Variants in CDK6 observed in about 807,000 individuals in gnomAD.
CDK6 encodes cyclin-dependent kinase 6.
Under a neutral mutation model 37.1 loss-of-function variants are expected in CDK6, and 6 were observed. The ratio of observed to expected loss-of-function variants is 0.16; its 90% CI spans 0.09 to 0.32. CDK6 has a LOEUF of 0.32. Ranked by LOEUF, CDK6 falls within the 10% of genes least tolerant of loss-of-function variation. The pLI, the probability that CDK6 is intolerant of heterozygous loss-of-function variation, is 1.00. For synonymous variants in CDK6, 160 were observed against 161.3 expected (o/e 0.99, Z 0.06); for missense variants, 224 against 418.9 (o/e 0.53, Z 4.06).
chr7:92,610,624 A>G lies in CDK6; in HGVS notation c.*4516T>C. On this transcript the variant is annotated 3_prime_UTR_variant, in exon 8 of 8. Transcript: ENST00000424848. Reference sequence around the variant, plus strand: ...TTGCATTGATATAGAAAGGGAGTAAATAAGAAATGAAAATGCTAGTTTCTC... The same window carrying G: ...TTGCATTGATATAGAAAGGGAGTAAGTAAGAAATGAAAATGCTAGTTTCTC... 4.4e-6 allele frequency: 1 copy of G among 227,964 alleles called. No individual in the cohort carries two copies. Among genetic ancestry groups the G allele is most frequent in the Non-Finnish European group, 8.7e-6 (1 of 114,788 alleles). The allele number at this position is 227,964 out of a possible 1,614,324, so 14.1% of individuals were successfully genotyped here.
chr7:92,833,381 T>G lies in CDK6; in HGVS notation c.-58A>C. The G allele has an allele frequency of 1.6e-6, 2 of 1,229,618 alleles. No individual in the cohort carries two copies. Among genetic ancestry groups the G allele is most frequent in the Non-Finnish European group, 2.2e-6 (2 of 899,330 alleles). 76.2% of individuals were successfully genotyped at this position (1,229,618 alleles called of 1,614,324 possible). A position where few individuals can be genotyped will look rare whatever the true frequency, so the allele number is the denominator to read the frequency against. On this transcript the variant is annotated 5_prime_UTR_variant, in exon 2 of 8. Coordinates refer to ENST00000424848, the MANE Select transcript of CDK6 (RefSeq NM_001145306.2). This position sits in a 1 kb window ranked among gnomAD's most constrained non-coding sequence, Gnocchi z 6.1. ...GGGGCGGGCGGGGGGTGCGCTCAAC[T>G]AGCTGGCGGCCGCCGCTCGCCTACT...
At chr7:92,694,590 G>A (rs1438979089) in intron 4 of CDK6, among the ~76,000 whole-genome samples, 1 of 152,146 alleles carries the variant, frequency 6.6e-6, no homozygotes, top group East Asian at 1.9e-4. Flanking sequence ...GTGGCAAAAG[G>A]CAAAGCCACA....
chr7:92,784,009 T>C (rs1334039430), intron 2 of CDK6, among the ~76,000 whole-genome samples: 1 of 152,136 alleles, frequency 6.6e-6, no homozygotes, highest in Non-Finnish European at 1.5e-5. Context: ...ATGCATTTTA[T>C]CTGAATGAAA....
chr7:92,791,680 A>C (rs1040216396), intron 2 of CDK6, among the ~76,000 whole-genome samples: 53 of 152,304 alleles, frequency 3.5e-4, no homozygotes, highest in African/African-American at 1.2e-3. Context: ...GCCCTGAAGA[A>C]GAGGCATTCA....
At chr7:92,727,465 C>A (rs1798540155) in intron 3 of CDK6, among the ~76,000 whole-genome samples, 2 of 152,112 alleles carry the variant, frequency 1.3e-5, no homozygotes, top group Non-Finnish European at 2.9e-5. Flanking sequence ...ATTACTTTTC[C>A]TACTATTAAG....
chr7:92,824,575 TA>T (rs1484443554), intron 2 of CDK6, among the ~76,000 whole-genome samples: 1 of 152,054 alleles, frequency 6.6e-6, no homozygotes, highest in Non-Finnish European at 1.5e-5. Flanking sequence ...AATGAAAGAT[TA>T]TTTTTTACTT....
intron 2 of CDK6, among the ~76,000 whole-genome samples, chr7:92,805,707 C>G (rs1800707543): frequency 6.6e-6 from 1 of 152,312 alleles, no homozygotes; most frequent in Middle Eastern, 3.4e-3. Context: ...CACAGAGGCT[C>G]CTGGTATCCA....
At chr7:92,668,461 A>G (rs907255064) in intron 5 of CDK6, among the ~76,000 whole-genome samples, 1 of 152,246 alleles carries the variant, frequency 6.6e-6, no homozygotes, top group African/African-American at 2.4e-5. Flanking sequence ...TACCAGTCTC[A>G]TAAGAATATG....
chr7:92,709,751 A>G (rs913779013), intron 4 of CDK6, among the ~76,000 whole-genome samples: 2 of 152,172 alleles, frequency 1.3e-5, no homozygotes, highest in African/African-American at 4.8e-5. Flanking sequence ...TTTAAAAGCA[A>G]TCCTTAGCTT....
In CDK6 at chr7:92,618,019, A is replaced by G. The variant is rs42043; in HGVS notation, c.834+53T>C. ...TGTGCCCACCACCCAGTCTGGGTAG[A>G]GCAGGTGTCTCACTGGCACAGTGCA... On this transcript the variant is annotated intron_variant, in intron 7 of 7. Transcript: ENST00000424848. 368,069 of 1,589,610 alleles carry G rather than the reference A, an allele frequency of 0.23. 44,337 individuals carry two copies. Among genetic ancestry groups the G allele is most frequent in the Non-Finnish European group, 0.25 (288,390 of 1,164,576 alleles).
intron 5 of CDK6, among the ~76,000 whole-genome samples, chr7:92,636,953 A>T (rs1796187505): frequency 6.6e-6 from 1 of 152,228 alleles, no homozygotes; most frequent in South Asian, 2.1e-4. Flanking sequence ...TGTGTGAACC[A>T]CTGCGCCCAG....
At position 92,609,555 on chromosome 7, in the gene CDK6, T is replaced by C. The variant is rs1312325024; in HGVS notation, c.*5585A>G. The C allele has an allele frequency of 4.4e-6, 1 of 229,642 alleles. No homozygotes were observed. The highest frequency in any genetic ancestry group is 6.2e-5 in the East Asian group (1 of 16,038). The allele number at this position is 229,642 out of a possible 1,614,324, so 14.2% of individuals were successfully genotyped here. A position where few individuals can be genotyped will look rare whatever the true frequency, so the allele number is the denominator to read the frequency against. On this transcript the variant is annotated 3_prime_UTR_variant, in exon 8 of 8. Coordinates refer to ENST00000424848, the MANE Select transcript of CDK6 (RefSeq NM_001145306.2). ...ACAGCAATTTTTCAGACAAAAGTTT[T>C]GTCTACTGAATTACTGATGTGCTAC...
chr7:92,817,255 C>A (rs1032580908), intron 2 of CDK6, among the ~76,000 whole-genome samples: 3 of 151,830 alleles, frequency 2.0e-5, no homozygotes, highest in Non-Finnish European at 2.9e-5. Flanking sequence ...AGGCCAATAT[C>A]ATTCATGAAT....
chr7:92,776,051 T>A (rs2115792428), intron 2 of CDK6, among the ~76,000 whole-genome samples: 1 of 152,016 alleles, frequency 6.6e-6, no homozygotes, highest in African/African-American at 2.4e-5. Context: ...CCTAATGCTA[T>A]CCCTCCCCTA....
chr7:92,707,836 A>G (rs1213344214), intron 4 of CDK6, among the ~76,000 whole-genome samples: 1 of 152,220 alleles, frequency 6.6e-6, no homozygotes, highest in African/African-American at 2.4e-5. Flanking sequence ...CCTCAAGAAC[A>G]TGACATTATT....
At chr7:92,685,742 T>C (rs1206496095) in intron 4 of CDK6, among the ~76,000 whole-genome samples, 1 of 152,212 alleles carries the variant, frequency 6.6e-6, no homozygotes, top group Non-Finnish European at 1.5e-5. Context: ...GACAGCCTAA[T>C]TTCCCAAACA....
intron 6 of CDK6, among the ~76,000 whole-genome samples, chr7:92,621,122 A>T (rs1250922012): frequency 6.6e-6 from 1 of 152,250 alleles, no homozygotes; most frequent in Non-Finnish European, 1.5e-5. Flanking sequence ...CACAAAATCT[A>T]TAAATGGCAG....
chr7:92,803,798 G>GA (rs374552856), intron 2 of CDK6, among the ~76,000 whole-genome samples: 2 of 152,158 alleles, frequency 1.3e-5, no homozygotes, highest in South Asian at 2.1e-4. Flanking sequence ...TGAAAAGGGG[G>GA]AAAAAATGGG....
At chr7:92,763,757 C>G (rs1799513331) in intron 3 of CDK6, among the ~76,000 whole-genome samples, 1 of 152,172 alleles carries the variant, frequency 6.6e-6, no homozygotes, top group African/African-American at 2.4e-5. Context: ...TGAGTCATCT[C>G]AGAATGTAAG....
Sources: allele counts gnomAD v4.1 joint callset (sites outside exome capture counted in the v4.1 genomes callset), GRCh38; gene constraint gnomAD v4.1.1; non-coding constraint Gnocchi (gnomAD v3.1); transcripts MANE v1.5; gene names NCBI Gene and HGNC (gene_info 2026-07-23, HGNC 2026-07-21).